Variants in ADGRL2 observed in about 807,000 individuals in gnomAD.
ADGRL2 encodes the protein adhesion G protein-coupled receptor L2.
ADGRL2 carries 44 observed loss-of-function variants against 157.4 expected under a neutral mutation model. The ratio of observed to expected loss-of-function variants is 0.28; its 90% CI spans 0.22 to 0.36. ADGRL2 has a LOEUF of 0.36. Among genes scored for constraint, ADGRL2 ranks in the 10% least tolerant of loss-of-function variants. The pLI is 1.00. For synonymous variants in ADGRL2, 585 were observed against 624.7 expected (o/e 0.94, Z 0.95); for missense variants, 1,510 against 1,768.9 (o/e 0.85, Z 2.63).
At chr1:81,868,092 T>TGTGA (rs1278152227) in intron 2 of ADGRL2, among the ~76,000 whole-genome samples, 2 of 151,500 alleles carry the variant, frequency 1.3e-5, no homozygotes, top group East Asian at 3.9e-4. Context: ...TGTGTGTGTG[T>TGTGA]GTGATAAAAA....
chr1:81,772,380 G>A (rs1385073004), intron 2 of ADGRL2, among the ~76,000 whole-genome samples: 1 of 151,886 alleles, frequency 6.6e-6, no homozygotes, highest in African/African-American at 2.4e-5. Flanking sequence ...CCTAGTTACT[G>A]ACATGGATTC....
At chr1:81,527,722 A>AT (rs1404829271) in intron 2 of ADGRL2, among the ~76,000 whole-genome samples, 1 of 149,636 alleles carries the variant, frequency 6.7e-6, no homozygotes, top group Admixed American at 6.7e-5. Flanking sequence ...AAAAAAAAAA[A>AT]GTGATCGGAG....
In ADGRL2 at chr1:81,951,038, A is replaced by G. The variant is rs1394140104; in HGVS notation, c.1525A>G (p.Met509Val). Residue 509 changes from methionine to valine, a missense_variant, in exon 8 of 24, where the codon ATG becomes GTG. Around this residue, in one of 4 missense-constraint regions of ADGRL2, gnomAD observed 325 missense variants for 333.2 expected, o/e 0.98. Coordinates refer to ENST00000686636, the MANE Select transcript of ADGRL2 (RefSeq NM_001366006.2). ...TGTAGGAACTGCCTCATATCTCTGC[A>G]TGATTTCCACTGGAACATGGAACCC... The part of the protein sequence containing the change: ...GTRGTASYLC[M>V]ISTGTWNPKG... 7 of 1,612,902 alleles carry G rather than the reference A, an allele frequency of 4.3e-6. No individual in the cohort carries two copies. The highest frequency in any genetic ancestry group is 5.1e-6 in the Non-Finnish European group (6 of 1,178,990).
intron 2 of ADGRL2, among the ~76,000 whole-genome samples, chr1:81,507,716 T>C (rs57495834): frequency 1.7e-3 from 252 of 152,326 alleles, no homozygotes; most frequent in African/African-American, 5.6e-3. Context: ...CTTGATTTCA[T>C]TGACAGGGGC....
At position 81,989,741 on chromosome 1, in the gene ADGRL2, G is replaced by A. The variant is rs1664198124; in HGVS notation, c.3656-650G>A. 9 of 1,605,922 alleles carry A rather than the reference G, an allele frequency of 5.6e-6. No individual in the cohort carries two copies. The African/African-American group carries it at 1.1e-4, about 19-fold the overall frequency. On this transcript the variant is annotated intron_variant, in intron 23 of 23. Coordinates refer to ENST00000686636, the MANE Select transcript of ADGRL2 (RefSeq NM_001366006.2). Reference sequence around the variant, plus strand: ...CATTCCACCTGCTGTCTATCGTGATGTTGGATGGTGCTTGTGGGCCCCTGG... The same window carrying A: ...CATTCCACCTGCTGTCTATCGTGATATTGGATGGTGCTTGTGGGCCCCTGG...
chr1:81,307,519 T>G (rs1570576052), intron 1 of ADGRL2, among the ~76,000 whole-genome samples: 1 of 152,200 alleles, frequency 6.6e-6, no homozygotes, highest in Admixed American at 6.5e-5. Flanking sequence ...AATATGTCTT[T>G]GAAAGTACTC....
intron 14 of ADGRL2, 53 bp from the exon 15 acceptor site, chr1:81,969,125 C>G (rs553284279): frequency 6.9e-5 from 88 of 1,274,404 alleles, no homozygotes; most frequent in Non-Finnish European, 9.2e-5. Context: ...TGTCTTTCTT[C>G]TAGTTGATGT....
intron 11 of ADGRL2, among the ~76,000 whole-genome samples, chr1:81,963,926 C>A (rs1006388041): frequency 6.6e-6 from 1 of 151,084 alleles, no homozygotes; most frequent in African/African-American, 2.4e-5. Flanking sequence ...TTTTAATGGT[C>A]ATAAACTATT....
intron 2 of ADGRL2, among the ~76,000 whole-genome samples, chr1:81,504,498 T>C (rs2078926339): frequency 6.6e-6 from 1 of 152,118 alleles, no homozygotes; most frequent in Non-Finnish European, 1.5e-5. Context: ...CTTTTTTTTT[T>C]ATTTTAAAAT....
chr1:81,990,724 A>G lies in ADGRL2; in HGVS notation c.3989A>G (p.His1330Arg). The G allele has an allele frequency of 6.2e-7, 1 of 1,614,052 alleles. No homozygotes were observed. Among genetic ancestry groups the G allele is most frequent in the African/African-American group, 1.3e-5 (1 of 75,002 alleles). ...GACAACCCAGGGCTGGAGCTCCATC[A>G]CAAAGAACTCGAGGCACCACTTATT... ...HSDNPGLELH[H>R]KELEAPLIPQ... The change falls in exon 24 of 24, where the codon CAC (histidine) becomes CGC (arginine). Residue 1330 changes from histidine (H) to arginine (R), a missense_variant. By Grantham distance (29) the His-to-Arg change is conservative (BLOSUM62 0). This residue lies in a region of ADGRL2 where 327 missense variants were observed against 310.1 expected (regional missense o/e 1.05). Transcript: ENST00000686636.
At chr1:81,353,556 A>G (rs965473801) in intron 1 of ADGRL2, among the ~76,000 whole-genome samples, 11 of 152,182 alleles carry the variant, frequency 7.2e-5, no homozygotes, top group African/African-American at 2.7e-4. Flanking sequence ...GAATTTAGAA[A>G]AAGGAAAATA....
chr1:81,325,044 C>A (rs1660801489), intron 1 of ADGRL2, among the ~76,000 whole-genome samples: 1 of 152,034 alleles, frequency 6.6e-6, no homozygotes, highest in South Asian at 2.1e-4. Context: ...GGTTTAAAAG[C>A]CTTGTTTTGG....
chr1:81,936,782 T>C lies in ADGRL2; in HGVS notation c.342T>C (p.Asp114=), dbSNP rs2095316754. The stretch of plus-strand genomic sequence containing the variant: ...TTACTGGGTCAGATGTGTTTCCTGA[T>C]CCATGTCCTGGAACATACAAATACC... The part of the protein sequence containing the change: ...IVVTGSDVFP[D]PCPGTYKYLE... The change falls in exon 4 of 24, where the codon GAT becomes GAC. Residue 114 remains aspartate (D), a synonymous_variant. Coordinates refer to ENST00000686636, the MANE Select transcript of ADGRL2 (RefSeq NM_001366006.2). The C allele has an allele frequency of 6.2e-7, 1 of 1,612,462 alleles. No individual in the cohort carries two copies. Among genetic ancestry groups the C allele is most frequent in the East Asian group, 2.2e-5 (1 of 44,850 alleles).
chr1:81,857,070 T>G (rs2150666353), intron 2 of ADGRL2, among the ~76,000 whole-genome samples: 1 of 152,308 alleles, frequency 6.6e-6, no homozygotes, highest in African/African-American at 2.4e-5. Flanking sequence ...GTGCTTTTTA[T>G]TCATTGTCCT....
intron 2 of ADGRL2, among the ~76,000 whole-genome samples, chr1:81,508,613 G>A (rs557324328): frequency 3.3e-5 from 5 of 152,134 alleles, no homozygotes; most frequent in Non-Finnish European, 7.4e-5. Context: ...AGGATTTCAA[G>A]GTAGTGACAG....
At position 81,971,839 on chromosome 1, in the gene ADGRL2, C is replaced by A. The variant is rs766190385; in HGVS notation, c.2955-13C>A. On this transcript the variant is annotated splice_polypyrimidine_tract_variant and intron_variant, in intron 16 of 23. Transcript: ENST00000686636. ...AGAAACTACTAATGCATATTCTTCTCTTTTCATAATAGTTGCTGGCTTCAT... is the reference window on the plus strand; with the variant it reads ...AGAAACTACTAATGCATATTCTTCTATTTTCATAATAGTTGCTGGCTTCAT... The A allele has an allele frequency of 6.5e-7, 1 of 1,549,008 alleles. No individual in the cohort carries two copies. Among genetic ancestry groups the A allele is most frequent in the Admixed American group, 1.7e-5 (1 of 58,934 alleles).
At chr1:81,879,244 G>T (rs536153647) in intron 2 of ADGRL2, among the ~76,000 whole-genome samples, 1 of 151,994 alleles carries the variant, frequency 6.6e-6, no homozygotes, top group Non-Finnish European at 1.5e-5. Context: ...AGAAACTGAA[G>T]TATGCTTAAA....
At chr1:81,532,388 C>G (rs1397471077) in intron 2 of ADGRL2, among the ~76,000 whole-genome samples, 2 of 152,036 alleles carry the variant, frequency 1.3e-5, no homozygotes, top group Non-Finnish European at 2.9e-5. Flanking sequence ...AGTTATGTAC[C>G]AGATTCAGAA....
intron 3 of ADGRL2, among the ~76,000 whole-genome samples, chr1:81,667,157 G>A (rs904397908): frequency 6.6e-6 from 1 of 152,108 alleles, no homozygotes; most frequent in Non-Finnish European, 1.5e-5. Flanking sequence ...AAGAACGGGG[G>A]TGCTAAATAA....
Sources: gnomAD v4.1 joint callset for allele counts (sites outside exome capture counted in the v4.1 genomes callset) on GRCh38, gnomAD v4.1.1 for gene constraint, gnomAD v4.1.1 regional missense constraint, MANE v1.5 for transcripts, NCBI Gene and HGNC (gene_info 2026-07-23, HGNC 2026-07-21) for gene names.